Variants in LTBP3 observed in about 807,000 individuals in gnomAD.
LTBP3 encodes the protein latent transforming growth factor beta binding protein 3, also known as latent-transforming growth factor beta-binding protein 3.
Under a neutral mutation model 159.7 loss-of-function variants are expected in LTBP3, and 97 were observed. The ratio of observed to expected loss-of-function variants is 0.61; its 90% confidence interval spans 0.52 to 0.72. The LOEUF (loss-of-function observed/expected upper bound fraction) is 0.72. Ranked by LOEUF, LTBP3 falls within the 30% of genes least tolerant of loss-of-function variation. LTBP3 has a pLI of 0.00. For missense variants in LTBP3, 1,584 were observed against 1,864.3 expected, an observed-to-expected ratio of 0.85 and a Z score of 2.77; for synonymous variants, 824 against 777.1, an observed-to-expected ratio of 1.06 and a Z score of -1.00.
Position 65,546,748 on chromosome 11 carries a change from G to C in LTBP3, c.2230+50C>G. The C allele has an allele frequency of 6.4e-7, 1 of 1,573,932 alleles. No individual in the cohort carries two copies. Among genetic ancestry groups the C allele is most frequent in the Non-Finnish European group, 8.6e-7 (1 of 1,164,146 alleles). On this transcript the variant is annotated intron_variant, in intron 15 of 27. Transcript: ENST00000301873. This position sits in a 1 kb window ranked among gnomAD's most constrained non-coding sequence, Gnocchi z 4.0. ...CCCCGCCCCCAGCGGAGCCAGACTGGGGGAGGCACCTGACGGCCCCACCCA... is the reference window on the plus strand; with the variant it reads ...CCCCGCCCCCAGCGGAGCCAGACTGCGGGAGGCACCTGACGGCCCCACCCA...
chr11:65,541,229 G>GTCGCA lies in LTBP3; in HGVS notation c.2785_2789dup (p.Ser931AlafsTer9). On this transcript the variant is annotated frameshift_variant, in exon 20 of 28. Transcript: ENST00000301873. LOFTEE classifies it high-confidence loss of function. ...GGGTCACGTTGGTGGCCAATACGCT[G>GTCGCA]TCGCAGAACACTGTGTCATCGAAGT... 1 of 1,613,818 alleles carries GTCGCA rather than the reference G, an allele frequency of 6.2e-7. No individual in the cohort carries two copies. Among genetic ancestry groups the GTCGCA allele is most frequent in the Middle Eastern group, 1.7e-4 (1 of 6,006 alleles).
chr11:65,545,473 A>T (rs1856323809), intron 16 of LTBP3: 1 of 232,074 alleles, frequency 4.3e-6, no homozygotes, highest in Non-Finnish European at 8.5e-6. Context: ...ATGCCCACGC[A>T]TGAGGACCCA....
In LTBP3 at chr11:65,546,390, C is replaced by A; in HGVS notation, c.2353+52G>T. On this transcript the variant is annotated intron_variant, in intron 16 of 27. Coordinates refer to ENST00000301873, the MANE Select transcript of LTBP3 (RefSeq NM_001130144.3). The surrounding 1 kb of genome is among the most constrained non-coding windows in gnomAD (Gnocchi z 4.0). ...ACAGACAGCGTGACCCGCTCCCCGG[C>A]TTCAGCGCGTAGGGGGCGGCGGAGG... 6.7e-7 allele frequency: 1 copy of A among 1,492,426 alleles called. No individual in the cohort carries two copies. Among genetic ancestry groups the A allele is most frequent in the South Asian group, 1.3e-5 (1 of 76,716 alleles). The allele number at this position is 1,492,426 out of a possible 1,614,324, so 92.4% of individuals were successfully genotyped here. A position where few individuals can be genotyped will look rare whatever the true frequency, so the allele number is the denominator to read the frequency against.
chr11:65,551,481 G>T lies in LTBP3; in HGVS notation c.1549-7C>A. 6.2e-7 allele frequency: 1 copy of T among 1,614,050 alleles called. No individual in the cohort carries two copies. The highest frequency in any genetic ancestry group is 8.5e-7 in the Non-Finnish European group (1 of 1,180,012). On this transcript the variant is annotated splice_polypyrimidine_tract_variant and splice_region_variant and intron_variant, in intron 9 of 27. Coordinates refer to ENST00000301873, the MANE Select transcript of LTBP3 (RefSeq NM_001130144.3). ...ACCTCTCCTCACTCACCGGCTGCGG[G>T]TGACAGCAGCATGAGCCCTCCTGTC...
intron 1 of LTBP3, among the ~76,000 whole-genome samples, chr11:65,557,291 T>A (rs565879739): frequency 1.1e-4 from 16 of 152,242 alleles, no homozygotes; most frequent in African/African-American, 3.4e-4. Context: ...TGAGGCTTCC[T>A]GTCCCCGGCT....
intron 16 of LTBP3, chr11:65,545,436 T>C (rs575530928): frequency 2.8e-4 from 64 of 231,326 alleles, no homozygotes; most frequent in African/African-American, 1.3e-3. Flanking sequence ...TTGTCCAATG[T>C]GGAGCTCAGC....
rs771617953 is a variant in LTBP3 at position 65,546,871 on chromosome 11, C to A, written c.2157G>T (p.Glu719Asp). 3.7e-6 allele frequency: 6 copies of A among 1,612,572 alleles called. No homozygotes were observed. The highest frequency in any genetic ancestry group is 5.1e-6 in the Non-Finnish European group (6 of 1,179,970). The stretch of plus-strand genomic sequence containing the variant: ...TGCACTTGAAGCTCCCGGGCTTGTT[C>A]TCGCATTTGCCATCCGGGCAAGAGC... Reference protein sequence around the residue: ...DPSSCPDGKCENKPGSFKCIA... With the variant: ...DPSSCPDGKCDNKPGSFKCIA... The change falls in exon 15 of 28, where the codon GAG (glutamate) becomes GAT (aspartate). Residue 719 changes from glutamate (E) to aspartate (D), a missense_variant. Glu to Asp is a conservative substitution (Grantham distance 45). This residue lies in a region of LTBP3 where 565 missense variants were observed against 677.7 expected (regional missense o/e 0.83). Transcript: ENST00000301873. This position sits in a 1 kb window ranked among gnomAD's most constrained non-coding sequence, Gnocchi z 4.0.
intron 18 of LTBP3, 174 bp downstream of exon 18, chr11:65,542,923 TGGATAGAA>T (rs1221547084): frequency 2.4e-6 from 2 of 837,892 alleles, no homozygotes; most frequent in Non-Finnish European, 1.9e-6. Flanking sequence ...GAAGGATGGA[TGGATAGAA>T]GGATGGATGG....
chr11:65,552,269 G>A lies in LTBP3; in HGVS notation c.1324C>T (p.Arg442Cys), dbSNP rs1399687678. Reference sequence around the variant, plus strand: ...TCACCGGTGCCATCTGTTGGGCAGCGCTGACACCGCGCGCCCCAGGCCTTG... The same window carrying A: ...TCACCGGTGCCATCTGTTGGGCAGCACTGACACCGCGCGCCCCAGGCCTTG... ...VGKAWGARCQ[R>C]CPTDGTAAFK... The change falls in exon 7 of 28, where the codon CGC becomes TGC. Residue 442 changes from arginine to cysteine, a missense_variant. By Grantham distance (180) the Arg-to-Cys change is radical. Around this residue, in one of 6 missense-constraint regions of LTBP3, gnomAD observed 156 missense variants for 259.7 expected, o/e 0.60. Coordinates refer to ENST00000301873, the MANE Select transcript of LTBP3 (RefSeq NM_001130144.3). This position sits in a 1 kb window ranked among gnomAD's most constrained non-coding sequence, Gnocchi z 6.0. 2 of 1,614,106 alleles carry A rather than the reference G, an allele frequency of 1.2e-6. No individual in the cohort carries two copies. The highest frequency in any genetic ancestry group is 1.1e-5 in the South Asian group (1 of 91,088).
At chr11:65,548,828 C>T (rs1453328441) in intron 11 of LTBP3, 2 of 152,364 alleles carry the variant, frequency 1.3e-5, no homozygotes, top group East Asian at 1.9e-4. Context: ...CCTTAGGCTT[C>T]CTTAACAGCC....
intron 1 of LTBP3, among the ~76,000 whole-genome samples, chr11:65,557,260 C>A (rs951781208): frequency 1.3e-5 from 2 of 152,098 alleles, no homozygotes; most frequent in Non-Finnish European, 2.9e-5. Flanking sequence ...CTGCTTCTTG[C>A]GGGAATATTT....
intron 16 of LTBP3, chr11:65,543,881 T>G (rs1590766596): frequency 1.1e-5 from 4 of 380,586 alleles, no homozygotes; most frequent in Admixed American, 7.4e-5. Flanking sequence ...ATCCTTGTTC[T>G]TCCCACTTTC....
chr11:65,546,971 C>T lies in LTBP3; in HGVS notation c.2108-51G>A. 1.2e-6 allele frequency: 2 copies of T among 1,603,362 alleles called. No individual in the cohort carries two copies. Among genetic ancestry groups the T allele is most frequent in the Non-Finnish European group, 8.5e-7 (1 of 1,178,920 alleles). On this transcript the variant is annotated intron_variant, in intron 14 of 27. Coordinates refer to ENST00000301873, the MANE Select transcript of LTBP3 (RefSeq NM_001130144.3). The surrounding 1 kb of genome is among the most constrained non-coding windows in gnomAD (Gnocchi z 4.0). ...ACCCATCTGGGGACAACGCGGGTGG[C>T]CCGGCTCCCAGCGTCCACAGCAGGG... is the stretch of plus-strand genomic sequence containing the variant.
In LTBP3 at chr11:65,553,221, C is replaced by T. The variant is rs1856675135; in HGVS notation, c.1006G>A (p.Glu336Lys). 1 of 1,614,130 alleles carries T rather than the reference C, an allele frequency of 6.2e-7. No homozygotes were observed. The highest frequency in any genetic ancestry group is 8.5e-7 in the Non-Finnish European group (1 of 1,180,008). ...CCCTGGGGACAGTCAGCGCCCACTT[C>T]CCCACGTACAGGCCCTGGCTTCTGC... is the stretch of plus-strand genomic sequence containing the variant. The part of the protein sequence containing the change: ...GVQKPGPVRG[E>K]VGADCPQGYK... The change falls in exon 5 of 28, where the codon GAA (glutamate) becomes AAA (lysine). Residue 336 changes from glutamate to lysine, a missense_variant. Physicochemically the swap from Glu to Lys is moderately conservative, Grantham distance 56. Transcript: ENST00000301873. The surrounding 1 kb of genome is among the most constrained non-coding windows in gnomAD (Gnocchi z 6.5).
chr11:65,547,765 T>A lies in LTBP3; in HGVS notation c.1903A>T (p.Thr635Ser). 6.2e-7 allele frequency: 1 copy of A among 1,611,532 alleles called. No individual in the cohort carries two copies. Among genetic ancestry groups the A allele is most frequent in the Non-Finnish European group, 8.5e-7 (1 of 1,179,248 alleles). ...CAGTGGCAATTGTAGGAGCCGCCGG[T>A]GTTCATGCAGATGCCCCTCCCCGGG... ...CGPGRGICMN[T>S]GGSYNCHCNR... The change falls in exon 13 of 28, where the codon ACC (threonine) becomes TCC (serine). Residue 635 changes from threonine (T) to serine (S), a missense_variant. Coordinates refer to ENST00000301873, the MANE Select transcript of LTBP3 (RefSeq NM_001130144.3). This position sits in a 1 kb window ranked among gnomAD's most constrained non-coding sequence, Gnocchi z 4.6.
In LTBP3 at chr11:65,551,298, G is replaced by A. The variant is rs371647657; in HGVS notation, c.1622-74C>T. The stretch of plus-strand genomic sequence containing the variant: ...CCCTTTCCACTTCAGTCTTGGCCCG[G>A]CGCCCCACCCCAGCTTGACTGTCCC... On this transcript the variant is annotated intron_variant, in intron 10 of 27. Coordinates refer to ENST00000301873, the MANE Select transcript of LTBP3 (RefSeq NM_001130144.3). The A allele has an allele frequency of 5.9e-5, 90 of 1,532,740 alleles. No individual in the cohort carries two copies. In the South Asian group the frequency reaches 1.0e-3, roughly 17 times the overall value. The allele number at this position is 1,532,740 out of a possible 1,614,324, so 94.9% of individuals were successfully genotyped here.
Position 65,551,441 on chromosome 11 carries a change from G to A in LTBP3, c.1582C>T (p.His528Tyr). 1 of 1,613,906 alleles carries A rather than the reference G, an allele frequency of 6.2e-7. No homozygotes were observed. The highest frequency in any genetic ancestry group is 8.5e-7 in the Non-Finnish European group (1 of 1,179,998). ...GCAGGAGTCGTGGTGGCAGTTGGGT[G>A]GCTCTGCTGCACTGACCTCTCCTCA... ...VSEERSVQQS[H>Y]PTATTTPARP... is the part of the protein sequence containing the mutation. Residue 528 changes from histidine (H) to tyrosine (Y), a missense_variant, in exon 10 of 28, where the codon CAC (histidine) becomes TAC (tyrosine). By Grantham distance (83) the His-to-Tyr change is moderately conservative (BLOSUM62 2). Transcript: ENST00000301873.
At chr11:65,545,723 T>C (rs1856335349) in intron 16 of LTBP3, 1 of 217,926 alleles carries the variant, frequency 4.6e-6, no homozygotes. Flanking sequence ...CTAAAACAAA[T>C]GGCAAATCTT....
At position 65,557,885 on chromosome 11, in the gene LTBP3, C is replaced by A; in HGVS notation, c.75G>T (p.Ala25=). 1 of 1,303,380 alleles carries A rather than the reference C, an allele frequency of 7.7e-7. No individual in the cohort carries two copies. Among genetic ancestry groups the A allele is most frequent in the South Asian group, 2.0e-5 (1 of 50,344 alleles). The allele number at this position is 1,303,380 out of a possible 1,614,324, so 80.7% of individuals were successfully genotyped here. The change falls in exon 1 of 28, where the codon GCG becomes GCT. Residue 25 remains alanine (A), a synonymous_variant. Coordinates refer to ENST00000301873, the MANE Select transcript of LTBP3 (RefSeq NM_001130144.3). ...MRGAGAAGLL[A]LLLLLLLLLL... The stretch of plus-strand genomic sequence containing the variant: ...GCAGCAGCAGCAGCAGCAGCAGCAG[C>A]GCCAGCAGCCCCGCCGCCCCCGCCC...
Sources: allele counts gnomAD v4.1 joint callset (sites outside exome capture counted in the v4.1 genomes callset), GRCh38; gene constraint gnomAD v4.1.1; regional missense constraint gnomAD v4.1.1; non-coding constraint Gnocchi (gnomAD v3.1); transcripts MANE v1.5; gene names NCBI Gene and HGNC (gene_info 2026-07-23, HGNC 2026-07-21).